ESRRG: variants seen among roughly 807,000 people sequenced by gnomAD.
ESRRG encodes the protein estrogen related receptor gamma.
ESRRG carries 13 observed loss-of-function variants against 44.0 expected under a neutral mutation model. The observed-to-expected ratio is 0.30, with a 90% CI of 0.19 to 0.47. The LOEUF (loss-of-function observed/expected upper bound fraction) is 0.47. Among genes scored for constraint, ESRRG ranks in the 20% least tolerant of loss-of-function variants. The pLI is 1.00. For synonymous variants in ESRRG, 215 were observed against 214.6 expected, an observed-to-expected ratio of 1.00 and a Z score of -0.02; for missense variants, 395 against 580.6, an observed-to-expected ratio of 0.68 and a Z score of 3.29.
intron 3 of ESRRG, among the ~76,000 whole-genome samples, chr1:216,584,384 G>A (rs987862608): frequency 9.2e-5 from 14 of 151,718 alleles, no homozygotes; most frequent in African/African-American, 3.4e-4. Flanking sequence ...AGCCTCCCGA[G>A]TAGCTGGGAC....
At chr1:216,724,615 G>A, upstream of ESRRG, among the ~76,000 whole-genome samples, 1 of 151,876 alleles carries the variant, frequency 6.6e-6, no homozygotes, top group Non-Finnish European at 1.5e-5. Context: ...GTCACTATAA[G>A]AACTAGTTTC....
rs74658703 is a variant in ESRRG at position 216,854,608 on chromosome 1, T to G, written c.-14+84974A>C. The stretch of plus-strand genomic sequence containing the variant: ...CTAAGAGCACTCACCCTTTCCACTT[T>G]CACTTCTTAGGGCAGGAGAAATGAT... On this transcript the variant is annotated intron_variant, in intron 2 of 7. Transcript: ENST00000359162. Among the ~76,000 whole-genome samples the G allele has an allele frequency of 8.7e-3, 1,319 of 152,202 alleles. 16 individuals are homozygous for G. The highest frequency in any genetic ancestry group is 0.043 in the East Asian group (222 of 5,154).
chr1:216,896,465 CTGGT>C (rs1381639271), intron 2 of ESRRG, among the ~76,000 whole-genome samples: 5 of 152,114 alleles, frequency 3.3e-5, no homozygotes, highest in African/African-American at 7.2e-5. Flanking sequence ...ACACCAACAG[CTGGT>C]TGGGAAATTG....
intron 3 of ESRRG, among the ~76,000 whole-genome samples, chr1:216,605,229 T>C (rs1473058074): frequency 6.6e-6 from 1 of 152,178 alleles, no homozygotes; most frequent in Non-Finnish European, 1.5e-5. Context: ...ACCAATTTAC[T>C]AAACAAATAG....
intron 3 of ESRRG, among the ~76,000 whole-genome samples, chr1:216,596,665 G>A (rs527293588): frequency 1.3e-5 from 2 of 152,284 alleles, no homozygotes; most frequent in East Asian, 1.9e-4. Context: ...TGAGCTGAAC[G>A]TTTCACATGT....
At chr1:216,672,680 C>A (rs2075407670) in intron 2 of ESRRG, among the ~76,000 whole-genome samples, 1 of 151,960 alleles carries the variant, frequency 6.6e-6, no homozygotes, top group South Asian at 2.1e-4. Context: ...CCAGCCTGGG[C>A]AACATAGGGA....
intron 1 of ESRRG, among the ~76,000 whole-genome samples, chr1:216,967,630 A>T (rs1309868233): frequency 6.6e-6 from 1 of 152,166 alleles, no homozygotes; most frequent in African/African-American, 2.4e-5. Flanking sequence ...TTATTTAACT[A>T]TGCACTATTG....
intron 2 of ESRRG, among the ~76,000 whole-genome samples, chr1:216,816,984 T>C (rs145579384): frequency 6.6e-6 from 1 of 151,710 alleles, no homozygotes; most frequent in Non-Finnish European, 1.5e-5. Flanking sequence ...CTTTCAAATA[T>C]CACAACCAAA....
At chr1:216,595,337 A>T (rs1446583296) in intron 3 of ESRRG, among the ~76,000 whole-genome samples, 2 of 152,216 alleles carry the variant, frequency 1.3e-5, no homozygotes, top group African/African-American at 4.8e-5. Context: ...ACAGGGCATG[A>T]TACATATAGA....
intron 3 of ESRRG, among the ~76,000 whole-genome samples, chr1:216,611,380 T>C (rs893356687): frequency 6.6e-6 from 1 of 152,146 alleles, no homozygotes; most frequent in Admixed American, 6.5e-5. Flanking sequence ...ATTCCATTGG[T>C]ATACCAGATC....
intron 2 of ESRRG, among the ~76,000 whole-genome samples, chr1:216,764,550 T>G (rs1024179750): frequency 6.6e-6 from 1 of 150,940 alleles, no homozygotes; most frequent in Admixed American, 6.6e-5. Flanking sequence ...ATTACAGGCA[T>G]GAGACACCAT....
At chr1:217,061,334 A>AAG (rs575638977) in intron 1 of ESRRG, among the ~76,000 whole-genome samples, 2 of 152,240 alleles carry the variant, frequency 1.3e-5, no homozygotes, top group East Asian at 3.9e-4. Flanking sequence ...TAAGCCCCCA[A>AAG]AGAGAGAGAG....
chr1:217,136,880 A>G (rs1458647163), intron 1 of ESRRG, among the ~76,000 whole-genome samples: 1 of 152,192 alleles, frequency 6.6e-6, no homozygotes, highest in Non-Finnish European at 1.5e-5. Context: ...CAATAGGACG[A>G]TCAGCACGGA....
chr1:216,770,103 G>A (rs142582161), intron 2 of ESRRG, among the ~76,000 whole-genome samples: 18 of 152,122 alleles, frequency 1.2e-4, no homozygotes, highest in Middle Eastern at 6.8e-3. Context: ...CACAGACATT[G>A]AGAGAAGGAA....
In ESRRG at chr1:217,064,855, A is replaced by G. The variant is rs1285184723; in HGVS notation, c.-106+24652T>C. ...TTCCACTCTCTACCCTACCCTGGTTATGCTAGACCCTGAATAAACTCCCTA... is the reference window on the plus strand; with the variant it reads ...TTCCACTCTCTACCCTACCCTGGTTGTGCTAGACCCTGAATAAACTCCCTA... On this transcript the variant is annotated intron_variant, in intron 1 of 7. Transcript: ENST00000359162. Among the ~76,000 whole-genome samples the G allele has an allele frequency of 2.0e-5, 3 of 152,312 alleles. No individual in the cohort carries two copies. The East Asian group carries it at 5.8e-4, about 29-fold the overall frequency.
intron 2 of ESRRG, among the ~76,000 whole-genome samples, chr1:216,873,608 C>A (rs1006926911): frequency 4.0e-5 from 6 of 151,848 alleles, no homozygotes; most frequent in African/African-American, 1.5e-4. Flanking sequence ...TCTTTTCAGT[C>A]CTCCAACTAG....
intron 6 of ESRRG, among the ~76,000 whole-genome samples, chr1:216,511,142 A>C (rs1415156191): frequency 6.6e-6 from 1 of 152,192 alleles, no homozygotes; most frequent in Non-Finnish European, 1.5e-5. Flanking sequence ...ATGTTTGTGA[A>C]CTGCCTACAT....
chr1:217,043,997 A>G (rs1315224895), intron 1 of ESRRG, among the ~76,000 whole-genome samples: 3 of 152,188 alleles, frequency 2.0e-5, no homozygotes, highest in African/African-American at 7.2e-5. Flanking sequence ...CGATAGGAAT[A>G]ATATAGCCAA....
chr1:216,647,715 A>G (rs2067947673), intron 3 of ESRRG, among the ~76,000 whole-genome samples: 1 of 152,204 alleles, frequency 6.6e-6, no homozygotes, highest in Non-Finnish European at 1.5e-5. Flanking sequence ...ATGCCAGTCA[A>G]TAAAGCTAAC....
Sources: gnomAD v4.1 joint callset for allele counts (sites outside exome capture counted in the v4.1 genomes callset) on GRCh38, gnomAD v4.1.1 for gene constraint, MANE v1.5 for transcripts, NCBI Gene and HGNC (gene_info 2026-07-23, HGNC 2026-07-21) for gene names.